ZNF827: variants seen among roughly 807,000 people sequenced by gnomAD.
ZNF827 encodes the protein zinc finger protein 827.
In ZNF827, 13 loss-of-function variants were observed where a neutral mutation model predicts 102.4. That is an observed-to-expected ratio of 0.13 (90% CI 0.08 to 0.20). ZNF827 has a LOEUF of 0.20. Among genes scored for constraint, ZNF827 ranks in the 10% least tolerant of loss-of-function variants. The probability of loss-of-function intolerance (pLI) is 1.00; values close to 1 mark genes in which losing one functional copy is unlikely to be tolerated. For missense variants in ZNF827, 1,103 were observed against 1,344.4 expected, an observed-to-expected ratio of 0.82 and a Z score of 2.81; for synonymous variants, 523 against 536.2, an observed-to-expected ratio of 0.98 and a Z score of 0.34.
chr4:145,814,825 C>T (rs1169738057), intron 8 of ZNF827, among the ~76,000 whole-genome samples: 1 of 151,366 alleles, frequency 6.6e-6, no homozygotes, highest in African/African-American at 2.4e-5. Context: ...CCTGTAATCC[C>T]AGCTACTCAG....
At chr4:145,900,147 G>T (rs769440880) in intron 2 of ZNF827, among the ~76,000 whole-genome samples, 1 of 152,056 alleles carries the variant, frequency 6.6e-6, no homozygotes, top group African/African-American at 2.4e-5. Context: ...GTATCTGGTC[G>T]TTTGAGTGAA....
intron 1 of ZNF827, among the ~76,000 whole-genome samples, chr4:145,920,567 T>A (rs1752991319): frequency 6.6e-6 from 1 of 152,324 alleles, no homozygotes; most frequent in African/African-American, 2.4e-5. Flanking sequence ...CAGGGTACTG[T>A]TCATCGCCTC....
intron 11 of ZNF827, among the ~76,000 whole-genome samples, chr4:145,770,332 AAATAAATAAATAAAT>A (rs1229039996): frequency 8.2e-5 from 12 of 146,342 alleles, no homozygotes; most frequent in Non-Finnish European, 1.2e-4. Context: ...ATAAATAAAT[AAATAAATAAATAAAT>A]AAAATAGATC....
chr4:145,814,606 T>TAACA (rs59852029), intron 8 of ZNF827, among the ~76,000 whole-genome samples: 26,759 of 147,836 alleles, frequency 0.18, 3,979 homozygotes, highest in East Asian at 0.63. Flanking sequence ...TCTCACCTCC[T>TAACA]AACAAACAAA....
At chr4:145,900,576 A>C (rs1751334682) in intron 2 of ZNF827, among the ~76,000 whole-genome samples, 1 of 151,786 alleles carries the variant, frequency 6.6e-6, no homozygotes, top group Non-Finnish European at 1.5e-5. Flanking sequence ...CGCCTGGTTA[A>C]TTTTTGTATT....
Position 145,765,140 on chromosome 4 carries a change from A to G in ZNF827, c.3078T>C (p.Phe1026=). ...CAAACATGTTCTTCGTCTTGCAGACAAAGTTGCAAAAAACACATTCGAACC... is the reference window on the plus strand; with the variant it reads ...CAAACATGTTCTTCGTCTTGCAGACGAAGTTGCAAAAAACACATTCGAACC... ...EKGFECVFCN[F]VCKTKNMFER... The change falls in exon 13 of 15, where the codon TTT becomes TTC. Residue 1026 remains phenylalanine (F), a synonymous_variant. Coordinates refer to ENST00000508784, the MANE Select transcript of ZNF827 (RefSeq NM_001306215.2). This position sits in a 1 kb window ranked among gnomAD's most constrained non-coding sequence, Gnocchi z 4.7. The G allele has an allele frequency of 1.9e-6, 3 of 1,612,938 alleles. No homozygotes were observed. The highest frequency in any genetic ancestry group is 2.5e-6 in the Non-Finnish European group (3 of 1,179,404).
intron 5 of ZNF827, among the ~76,000 whole-genome samples, chr4:145,856,362 T>C (rs748720629): frequency 2.0e-5 from 3 of 152,186 alleles, no homozygotes; most frequent in South Asian, 2.1e-4. Context: ...GGAAGTAATA[T>C]ATTAAAATTC....
chr4:145,862,137 A>G (rs1257967029), intron 5 of ZNF827, among the ~76,000 whole-genome samples: 1 of 152,218 alleles, frequency 6.6e-6, no homozygotes, highest in Non-Finnish European at 1.5e-5. Context: ...GTGGAATTAC[A>G]AAATAAACAG....
intron 1 of ZNF827, among the ~76,000 whole-genome samples, chr4:145,904,283 C>T (rs1222821686): frequency 6.6e-6 from 1 of 152,168 alleles, no homozygotes; most frequent in Non-Finnish European, 1.5e-5. Flanking sequence ...TCAGAATGAA[C>T]AAAACTAAGA....
intron 7 of ZNF827, among the ~76,000 whole-genome samples, chr4:145,826,326 T>C (rs1743677408): frequency 6.6e-6 from 1 of 152,210 alleles, no homozygotes; most frequent in Non-Finnish European, 1.5e-5. Flanking sequence ...ATGTTAAAGT[T>C]CTCAGTACAT....
In ZNF827 at chr4:145,762,356, G is replaced by A. The variant is rs1164358697; in HGVS notation, c.*17+734C>T. ...GAAGGGAGGAGGGAGGGAGACAACT[G>A]CTATCTGGAGCTCGAAGACATTATT... On this transcript the variant is annotated intron_variant, in intron 14 of 14. Transcript: ENST00000508784. The surrounding 1 kb of genome is among the most constrained non-coding windows in gnomAD (Gnocchi z 4.9). Among the ~76,000 whole-genome samples the A allele has an allele frequency of 6.6e-6, 1 of 152,182 alleles. No homozygotes were observed. The highest frequency in any genetic ancestry group is 1.5e-5 in the Non-Finnish European group (1 of 68,038).
chr4:145,827,767 T>C (rs956778350), intron 7 of ZNF827, among the ~76,000 whole-genome samples: 18 of 152,176 alleles, frequency 1.2e-4, no homozygotes, highest in African/African-American at 4.1e-4. Flanking sequence ...TGGGATTAGA[T>C]CTCCAATAAC....
intron 5 of ZNF827, among the ~76,000 whole-genome samples, chr4:145,856,983 A>ACACG (rs1747201874): frequency 8.1e-6 from 1 of 123,634 alleles, no homozygotes; most frequent in African/African-American, 2.8e-5. Context: ...GCGCACGCGC[A>ACACG]CGCACACACA....
Position 145,892,294 on chromosome 4 carries a change from C to A in ZNF827, c.1215G>T (p.Pro405=), listed in dbSNP as rs769214201. Residue 405 remains proline, a synonymous_variant, in exon 3 of 15, where the codon CCG becomes CCT. Transcript: ENST00000508784. ...TGCGAGCACACCGGAATGGACAGAG[C>A]GGACACTGATGACTTTTTAAACCTG... ...IHTGLKSHQC[P]LCPFRCARKD... is the part of the protein sequence containing the mutation. The A allele has an allele frequency of 6.2e-6, 10 of 1,613,920 alleles. No individual in the cohort carries two copies. Among genetic ancestry groups the A allele is most frequent in the South Asian group, 4.4e-5 (4 of 91,068 alleles).
chr4:145,826,689 A>T (rs1361483801), intron 7 of ZNF827, among the ~76,000 whole-genome samples: 2 of 152,226 alleles, frequency 1.3e-5, no homozygotes, highest in Non-Finnish European at 2.9e-5. Flanking sequence ...TATGCATAGG[A>T]AAAAGCATTG....
chr4:145,921,366 G>A (rs193204439), intron 1 of ZNF827, among the ~76,000 whole-genome samples: 1 of 150,512 alleles, frequency 6.6e-6, no homozygotes, highest in African/African-American at 2.5e-5. Flanking sequence ...ATCTTAAATA[G>A]GATTATCTGG....
chr4:145,796,171 G>C (rs1442526989), intron 8 of ZNF827, among the ~76,000 whole-genome samples: 8 of 152,196 alleles, frequency 5.3e-5, no homozygotes, highest in Admixed American at 2.6e-4. Context: ...TGGAACTACG[G>C]AGGGAAGAAA....
chr4:145,821,198 A>C (rs1387488812), intron 8 of ZNF827, among the ~76,000 whole-genome samples: 1 of 152,196 alleles, frequency 6.6e-6, no homozygotes, highest in African/African-American at 2.4e-5. Context: ...ACAATAAATA[A>C]ATAGCCTCCC....
intron 8 of ZNF827, among the ~76,000 whole-genome samples, chr4:145,811,551 T>C (rs770713003): frequency 6.6e-5 from 10 of 152,196 alleles, no homozygotes; most frequent in Admixed American, 1.3e-4. Context: ...CTGTAGAATG[T>C]TGTTTCTCTC....
Sources: gnomAD v4.1 joint callset for allele counts (sites outside exome capture counted in the v4.1 genomes callset) on GRCh38, gnomAD v4.1.1 for gene constraint, Gnocchi (gnomAD v3.1) non-coding constraint, MANE v1.5 for transcripts, NCBI Gene and HGNC (gene_info 2026-07-23, HGNC 2026-07-21) for gene names.